EHD3: variants seen among roughly 807,000 people sequenced by gnomAD.
The protein encoded by EHD3 is EH domain containing 3, also known as EH domain-containing protein 3.
A neutral mutation model predicts 43.0 loss-of-function variants in EHD3; 17 were observed. The observed-to-expected ratio is 0.40, with a 90% CI of 0.27 to 0.59. The LOEUF (loss-of-function observed/expected upper bound fraction) is 0.59, where lower values mean the gene tolerates loss of function less well. Ranked by LOEUF, EHD3 falls within the 20% of genes least tolerant of loss-of-function variation. The probability of loss-of-function intolerance (pLI) is 0.49; values close to 1 mark genes in which losing one functional copy is unlikely to be tolerated. For missense variants in EHD3, 594 were observed against 705.6 expected, an observed-to-expected ratio of 0.84 and a Z score of 1.79; for synonymous variants, 313 against 289.5, an observed-to-expected ratio of 1.08 and a Z score of -0.82.
At chr2:31,239,187 G>C (rs571225216) in intron 1 of EHD3, among the ~76,000 whole-genome samples, 3 of 152,200 alleles carry the variant, frequency 2.0e-5, no homozygotes, top group Non-Finnish European at 2.9e-5. Context: ...GGGAAAGATG[G>C]TTCTCCAGAA....
intron 5 of EHD3, among the ~76,000 whole-genome samples, chr2:31,263,709 A>C (rs1683894438): frequency 6.6e-6 from 1 of 152,112 alleles, no homozygotes; most frequent in African/African-American, 2.4e-5. Context: ...CCAGGCTAAC[A>C]CTTGCCCTAG....
At chr2:31,240,132 A>G (rs1432830040) in intron 1 of EHD3, among the ~76,000 whole-genome samples, 1 of 151,974 alleles carries the variant, frequency 6.6e-6, no homozygotes, top group Non-Finnish European at 1.5e-5. Context: ...GGCCGTGGAG[A>G]GTCTCCCATC....
chr2:31,245,861 G>A (rs550004686), intron 2 of EHD3, among the ~76,000 whole-genome samples: 7 of 150,690 alleles, frequency 4.6e-5, no homozygotes, highest in African/African-American at 1.5e-4. Context: ...GATTACAGGC[G>A]TGAGCCACCG....
At chr2:31,257,782 G>A (rs764940025) in intron 3 of EHD3, among the ~76,000 whole-genome samples, 14 of 152,130 alleles carry the variant, frequency 9.2e-5, no homozygotes, top group Non-Finnish European at 1.5e-4. Context: ...TGATGCCCCT[G>A]CCCACTGGGC....
At chr2:31,243,244 C>G (rs983709502) in intron 1 of EHD3, among the ~76,000 whole-genome samples, 1 of 152,104 alleles carries the variant, frequency 6.6e-6, no homozygotes, top group African/African-American at 2.4e-5. Context: ...CGCCACTACA[C>G]TCCAGCCTGG....
intron 2 of EHD3, among the ~76,000 whole-genome samples, chr2:31,245,749 T>G (rs1481900926): frequency 3.1e-4 from 44 of 143,114 alleles, no homozygotes; most frequent in African/African-American, 8.1e-4. Context: ...TTTTTTTTTT[T>G]TTTTTTTTTT....
At position 31,266,226 on chromosome 2, in the gene EHD3, A is replaced by C. The variant is rs1683948440; in HGVS notation, c.1130A>C (p.Lys377Thr). Reference sequence around the variant, plus strand: ...AGCAAGTTCCAGCCGCTGAAGAGCAAGCTGCTGGAGGTAGTGGACGACATG... The same window carrying C: ...AGCAAGTTCCAGCCGCTGAAGAGCACGCTGCTGGAGGTAGTGGACGACATG... ...DFSKFQPLKS[K>T]LLEVVDDMLA... The change falls in exon 6 of 6, where the codon AAG becomes ACG. Residue 377 changes from lysine (K) to threonine (T), a missense_variant. Lys to Thr is a moderately conservative substitution (Grantham distance 78). This residue lies in a region of EHD3 where 322 missense variants were observed against 348.0 expected (regional missense o/e 0.93). Coordinates refer to ENST00000322054, the MANE Select transcript of EHD3 (RefSeq NM_014600.3). This position sits in a 1 kb window ranked among gnomAD's most constrained non-coding sequence, Gnocchi z 5.1. 5 of 1,613,802 alleles carry C rather than the reference A, an allele frequency of 3.1e-6. No homozygotes were observed. The highest frequency in any genetic ancestry group is 4.2e-6 in the Non-Finnish European group (5 of 1,179,734).
At chr2:31,254,407 G>A (rs940363657) in intron 3 of EHD3, among the ~76,000 whole-genome samples, 3 of 152,170 alleles carry the variant, frequency 2.0e-5, no homozygotes, top group Non-Finnish European at 2.9e-5. Context: ...GTACAGGCAC[G>A]CCTGTGTGGG....
At position 31,261,546 on chromosome 2, in the gene EHD3, C is replaced by G. The variant is rs758366811; in HGVS notation, c.916-3C>G. On this transcript the variant is annotated splice_polypyrimidine_tract_variant and splice_region_variant and intron_variant, in intron 4 of 5. Transcript: ENST00000322054. ...AAGGCTTCTCTCTGGCCCTGTTTGTCAGGTCCACGCCTACATCATCAGCTC... is the reference window on the plus strand; with the variant it reads ...AAGGCTTCTCTCTGGCCCTGTTTGTGAGGTCCACGCCTACATCATCAGCTC... The G allele has an allele frequency of 6.2e-7, 1 of 1,614,038 alleles. No individual in the cohort carries two copies. The highest frequency in any genetic ancestry group is 1.1e-5 in the South Asian group (1 of 91,040).
In EHD3 at chr2:31,266,135, T is replaced by G. The variant is rs748235807; in HGVS notation, c.1081-42T>G. 2 of 1,562,806 alleles carry G rather than the reference T, an allele frequency of 1.3e-6. No homozygotes were observed. The highest frequency in any genetic ancestry group is 2.7e-5 in the African/African-American group (2 of 73,800). ...CACGTGATAAATGGAGGGCTCTCCT[T>G]TCATCGTATCCTATCTTCATCCTCT... On this transcript the variant is annotated intron_variant, in intron 5 of 5. Coordinates refer to ENST00000322054, the MANE Select transcript of EHD3 (RefSeq NM_014600.3). This position sits in a 1 kb window ranked among gnomAD's most constrained non-coding sequence, Gnocchi z 5.1.
chr2:31,257,987 A>G (rs1683783622), intron 3 of EHD3, among the ~76,000 whole-genome samples: 1 of 152,136 alleles, frequency 6.6e-6, no homozygotes, highest in African/African-American at 2.4e-5. Flanking sequence ...CTATCTGTAA[A>G]TCAGGAAGTT....
intron 3 of EHD3, among the ~76,000 whole-genome samples, chr2:31,259,699 T>C (rs1184850428): frequency 6.6e-6 from 1 of 152,216 alleles, no homozygotes; most frequent in Non-Finnish European, 1.5e-5. Context: ...ATTGCAGATT[T>C]CTTCCAGACC....
At chr2:31,263,723 G>C (rs995470093) in intron 5 of EHD3, among the ~76,000 whole-genome samples, 1 of 152,204 alleles carries the variant, frequency 6.6e-6, no homozygotes, top group Non-Finnish European at 1.5e-5. Context: ...GCCCTAGAAA[G>C]CTGTGGGTGT....
chr2:31,249,011 G>T (rs1683582596), intron 2 of EHD3, among the ~76,000 whole-genome samples: 1 of 152,198 alleles, frequency 6.6e-6, no homozygotes, highest in African/African-American at 2.4e-5. Flanking sequence ...AGGCAAGGAG[G>T]TAGCTGACCA....
intron 3 of EHD3, among the ~76,000 whole-genome samples, chr2:31,250,890 G>A (rs533580976): frequency 6.6e-5 from 10 of 152,342 alleles, no homozygotes; most frequent in Non-Finnish European, 1.3e-4. Context: ...GTAGGTGACT[G>A]TCTGCATGTG....
chr2:31,260,788 C>G lies in EHD3; in HGVS notation c.781C>G (p.Pro261Ala). Reference protein sequence around the residue: ...RVYIGSFWSHPLLIPDNRKLF... With the variant: ...RVYIGSFWSHALLIPDNRKLF... The stretch of plus-strand genomic sequence containing the variant: ...CTACATCGGCTCCTTCTGGTCCCAC[C>G]CCCTCCTCATCCCTGACAACCGGAA... Residue 261 changes from proline to alanine, a missense_variant, in exon 4 of 6, where the codon CCC (proline) becomes GCC (alanine). Pro to Ala is a conservative substitution (Grantham distance 27). Around this residue, in one of 3 missense-constraint regions of EHD3, gnomAD observed 29 missense variants for 60.9 expected, o/e 0.48. Coordinates refer to ENST00000322054, the MANE Select transcript of EHD3 (RefSeq NM_014600.3). The surrounding 1 kb of genome is among the most constrained non-coding windows in gnomAD (Gnocchi z 4.6). The G allele has an allele frequency of 2.5e-6, 4 of 1,614,210 alleles. No homozygotes were observed. The highest frequency in any genetic ancestry group is 3.4e-6 in the Non-Finnish European group (4 of 1,180,034).
chr2:31,242,286 CCT>C (rs1261471848), intron 1 of EHD3, among the ~76,000 whole-genome samples: 1 of 152,200 alleles, frequency 6.6e-6, no homozygotes, highest in African/African-American at 2.4e-5. Flanking sequence ...ATTACAACAT[CCT>C]TCATGGTTAC....
At chr2:31,249,716 G>A (rs1279105951) in intron 3 of EHD3, among the ~76,000 whole-genome samples, 1 of 152,168 alleles carries the variant, frequency 6.6e-6, no homozygotes, top group Non-Finnish European at 1.5e-5. Flanking sequence ...TCTGTAAAAT[G>A]AAGACATCAA....
intron 2 of EHD3, among the ~76,000 whole-genome samples, chr2:31,249,067 T>A (rs1481672319): frequency 6.6e-6 from 1 of 152,208 alleles, no homozygotes; most frequent in Non-Finnish European, 1.5e-5. Context: ...ACCCAGGCTT[T>A]GATCACACAT....
Sources: allele counts gnomAD v4.1 joint callset (sites outside exome capture counted in the v4.1 genomes callset), GRCh38; gene constraint gnomAD v4.1.1; regional missense constraint gnomAD v4.1.1; non-coding constraint Gnocchi (gnomAD v3.1); transcripts MANE v1.5; gene names NCBI Gene and HGNC (gene_info 2026-07-23, HGNC 2026-07-21).